FHIT: variants seen among roughly 807,000 people sequenced by gnomAD.
FHIT encodes fragile histidine triad diadenosine triphosphatase, also known as bis(5'-adenosyl)-triphosphatase.
A neutral mutation model predicts 17.9 loss-of-function variants in FHIT; 19 were observed. That is an observed-to-expected ratio of 1.06 (90% CI 0.74 to 1.56). The LOEUF (loss-of-function observed/expected upper bound fraction) is 1.56. FHIT is among the 40% of genes most tolerant of loss of function. The pLI, the probability that FHIT is intolerant of heterozygous loss-of-function variation, is 0.00. For synonymous variants in FHIT, 81 were observed against 69.7 expected (o/e 1.16, Z -0.81); for missense variants, 248 against 189.2 (o/e 1.31, Z -1.82).
intron 3 of FHIT, among the ~76,000 whole-genome samples, chr3:60,985,577 A>G (rs1263366441): frequency 6.6e-6 from 1 of 152,202 alleles, no homozygotes; most frequent in Non-Finnish European, 1.5e-5. Context: ...ACAGACGGGT[A>G]CAATTCCTTC....
At chr3:60,135,039 A>T (rs1057070679) in intron 5 of FHIT, among the ~76,000 whole-genome samples, 1 of 152,158 alleles carries the variant, frequency 6.6e-6, no homozygotes, top group African/African-American at 2.4e-5. Context: ...GAGGGAGTGA[A>T]TATCTAGCTG....
intron 4 of FHIT, among the ~76,000 whole-genome samples, chr3:60,588,756 C>T (rs1472915764): frequency 7.9e-5 from 12 of 152,024 alleles, no homozygotes; most frequent in African/African-American, 2.2e-4. Context: ...TCAAGTGATC[C>T]TCTTGGCCTC....
intron 4 of FHIT, chr3:60,732,257 C>A (rs1429494556): frequency 7.9e-6 from 7 of 883,576 alleles, no homozygotes; most frequent in Non-Finnish European, 1.3e-5. Flanking sequence ...TGCCAAAGAC[C>A]ACATGCTTGC....
At chr3:61,049,197 T>C (rs75958646) in intron 2 of FHIT, among the ~76,000 whole-genome samples, 19,347 of 150,938 alleles carry the variant, frequency 0.13, 1,298 homozygotes, top group South Asian at 0.17. Flanking sequence ...TCATTAGACG[T>C]TAATGAATGA....
chr3:60,821,840 A>G (rs1366812432), intron 4 of FHIT, 79 bp downstream of exon 4: 2 of 152,180 alleles, frequency 1.3e-5, no homozygotes, highest in African/African-American at 4.8e-5. Context: ...TAGGAACATT[A>G]CTACTATTAT....
chr3:60,292,874 C>A (rs1431184187), intron 5 of FHIT, among the ~76,000 whole-genome samples: 1 of 762 alleles, frequency 1.3e-3, no homozygotes, highest in Non-Finnish European at 3.0e-3. Flanking sequence ...TTATTAAATC[C>A]CTGATAGTCA....
chr3:60,946,989 A>G (rs782566186), intron 3 of FHIT, among the ~76,000 whole-genome samples: 14 of 152,242 alleles, frequency 9.2e-5, no homozygotes, highest in Non-Finnish European at 1.9e-4. Flanking sequence ...AAATGTAAAC[A>G]GTCAGATGTG....
At chr3:59,754,030 AAAT>A (rs1701067290) in intron 8 of FHIT, among the ~76,000 whole-genome samples, 3 of 152,186 alleles carry the variant, frequency 2.0e-5, no homozygotes, top group Admixed American at 1.3e-4. Flanking sequence ...ATCAACTAAT[AAAT>A]GACTTTTGCT....
In FHIT at chr3:60,791,280, C is replaced by A. The variant is rs560647101; in HGVS notation, c.-18+30639G>T. On this transcript the variant is annotated intron_variant, in intron 4 of 9. Transcript: ENST00000492590. Reference sequence around the variant, plus strand: ...TTCTCAGCTAAAGAGAAAAAAAAAACATGAAAATCACCAATGTATGCTCAA... The same window carrying A: ...TTCTCAGCTAAAGAGAAAAAAAAAAAATGAAAATCACCAATGTATGCTCAA... Among the ~76,000 whole-genome samples, 24 of 151,822 alleles carry A rather than the reference C, an allele frequency of 1.6e-4. 2 individuals carry two copies. In the South Asian group the frequency reaches 4.2e-3, roughly 26 times the overall value.
intron 1 of FHIT, among the ~76,000 whole-genome samples, chr3:61,212,974 C>T (rs1051519042): frequency 7.1e-4 from 108 of 152,274 alleles, no homozygotes; most frequent in African/African-American, 2.6e-3. Context: ...TTCTCACCAC[C>T]AGGCCTGCCC....
At chr3:60,061,216 C>T (rs913865652) in intron 5 of FHIT, among the ~76,000 whole-genome samples, 6 of 152,310 alleles carry the variant, frequency 3.9e-5, no homozygotes, top group African/African-American at 1.4e-4. Flanking sequence ...TTTAAGAGAG[C>T]AGATCCATAG....
chr3:60,353,675 A>G (rs1699518407), intron 5 of FHIT, among the ~76,000 whole-genome samples: 1 of 152,164 alleles, frequency 6.6e-6, no homozygotes, highest in Admixed American at 6.6e-5. Context: ...TTACAAATTA[A>G]TAACATTAAA....
intron 7 of FHIT, among the ~76,000 whole-genome samples, chr3:59,944,397 T>A (rs1290745372): frequency 6.6e-6 from 1 of 152,184 alleles, no homozygotes; most frequent in Non-Finnish European, 1.5e-5. Context: ...TTCCTTCTCC[T>A]CCATCCATTA....
chr3:59,849,716 A>G (rs926785219), intron 8 of FHIT, among the ~76,000 whole-genome samples: 1 of 152,224 alleles, frequency 6.6e-6, no homozygotes, highest in African/African-American at 2.4e-5. Context: ...GAACTATCTA[A>G]AACTTCTTTG....
intron 5 of FHIT, among the ~76,000 whole-genome samples, chr3:60,061,685 C>A (rs971279096): frequency 1.3e-5 from 2 of 152,094 alleles, no homozygotes; most frequent in Non-Finnish European, 2.9e-5. Flanking sequence ...GTCAAGTAAA[C>A]AGAGAGGGTT....
chr3:60,079,221 G>A (rs1440129481), intron 5 of FHIT, among the ~76,000 whole-genome samples: 1 of 152,138 alleles, frequency 6.6e-6, no homozygotes, highest in Admixed American at 6.6e-5. Flanking sequence ...CAGTTTGGGG[G>A]CACCCGAGGT....
chr3:59,894,734 T>G (rs548141910), intron 8 of FHIT, among the ~76,000 whole-genome samples: 1 of 152,336 alleles, frequency 6.6e-6, no homozygotes, highest in African/African-American at 2.4e-5. Context: ...GTGATCAATT[T>G]GGTACATTCT....
At chr3:60,504,196 G>A (rs1017432117) in intron 5 of FHIT, among the ~76,000 whole-genome samples, 2 of 152,156 alleles carry the variant, frequency 1.3e-5, no homozygotes, top group African/African-American at 4.8e-5. Flanking sequence ...AGCACTTTGG[G>A]CGGCCGAGGC....
chr3:60,913,847 A>G (rs1247991703), intron 3 of FHIT, among the ~76,000 whole-genome samples: 2 of 152,050 alleles, frequency 1.3e-5, no homozygotes, highest in African/African-American at 4.8e-5. Flanking sequence ...TTCCAAATGG[A>G]GTGGTCTCTC....
Sources: allele counts gnomAD v4.1 joint callset (sites outside exome capture counted in the v4.1 genomes callset), GRCh38; gene constraint gnomAD v4.1.1; transcripts MANE v1.5; gene names NCBI Gene and HGNC (gene_info 2026-07-23, HGNC 2026-07-21).